Variants in RALGPS1 observed in about 807,000 individuals in gnomAD.
The protein encoded by RALGPS1 is Ral GEF with PH domain and SH3 binding motif 1.
A neutral mutation model predicts 78.8 loss-of-function variants in RALGPS1; 19 were observed. The ratio of observed to expected loss-of-function variants is 0.24; its 90% confidence interval spans 0.17 to 0.35. The LOEUF (loss-of-function observed/expected upper bound fraction) is 0.35, where lower values mean the gene tolerates loss of function less well. Among genes scored for constraint, RALGPS1 ranks in the 10% least tolerant of loss-of-function variants. RALGPS1 has a pLI of 1.00. For missense variants in RALGPS1, 454 were observed against 688.3 expected, an observed-to-expected ratio of 0.66 and a Z score of 3.81; for synonymous variants, 228 against 256.3, an observed-to-expected ratio of 0.89 and a Z score of 1.06.
chr9:127,167,631 TA>T (rs1172371839), intron 9 of RALGPS1, among the ~76,000 whole-genome samples: 4 of 152,210 alleles, frequency 2.6e-5, no homozygotes, highest in Non-Finnish European at 4.4e-5. Flanking sequence ...ATCAGTTTTG[TA>T]AAACAGGTAT....
At position 127,107,811 on chromosome 9, in the gene RALGPS1, T is replaced by C. The variant is rs1052373804; in HGVS notation, c.610+38455T>C. The C allele has an allele frequency of 3.1e-5, 38 of 1,226,670 alleles. No individual in the cohort carries two copies. The African/African-American group carries it at 4.7e-4, about 15-fold the overall frequency. The allele number at this position is 1,226,670 out of a possible 1,614,324, so 76.0% of individuals were successfully genotyped here. A position where few individuals can be genotyped will look rare whatever the true frequency, so the allele number is the denominator to read the frequency against. ...TGGGGGATTGTGCATGTCTTTGGCC[T>C]GGCTTCAACTGGCCATGGCTTTTCC... On this transcript the variant is annotated intron_variant, in intron 8 of 18. Transcript: ENST00000259351.
intron 8 of RALGPS1, among the ~76,000 whole-genome samples, chr9:127,077,285 C>T (rs1442677367): frequency 6.6e-6 from 1 of 152,022 alleles, no homozygotes; most frequent in Non-Finnish European, 1.5e-5. Flanking sequence ...CAGAAATTTC[C>T]AGGGAGGGGG....
chr9:127,130,926 A>G (rs1474194674), intron 8 of RALGPS1, among the ~76,000 whole-genome samples: 2 of 152,222 alleles, frequency 1.3e-5, no homozygotes. Context: ...TAGACAATTG[A>G]ATTGGCTAGA....
intron 11 of RALGPS1, 27 bp from the exon 12 acceptor site, chr9:127,195,064 T>C (rs2061282242): frequency 1.2e-6 from 2 of 1,611,082 alleles, no homozygotes; most frequent in South Asian, 2.2e-5. Flanking sequence ...ATAACCCCCG[T>C]TGTTGCTCTC....
intron 1 of RALGPS1, among the ~76,000 whole-genome samples, chr9:126,953,239 A>C (rs987387008): frequency 2.0e-5 from 3 of 152,118 alleles, no homozygotes; most frequent in Non-Finnish European, 4.4e-5. Flanking sequence ...GAGATGTGGG[A>C]TTGTACTGTG....
At chr9:127,150,733 G>C (rs1034654850) in intron 8 of RALGPS1, among the ~76,000 whole-genome samples, 1 of 152,242 alleles carries the variant, frequency 6.6e-6, no homozygotes, top group Non-Finnish European at 1.5e-5. Flanking sequence ...AAAGAAAGGC[G>C]TTCATCCTCA....
chr9:126,998,845 A>G (rs1419698317), intron 4 of RALGPS1, among the ~76,000 whole-genome samples: 2 of 151,804 alleles, frequency 1.3e-5, no homozygotes, highest in Non-Finnish European at 2.9e-5. Context: ...GCCATAAAAA[A>G]TGATGAGTTC....
chr9:127,142,607 C>G (rs2057855428), intron 8 of RALGPS1, among the ~76,000 whole-genome samples: 1 of 152,114 alleles, frequency 6.6e-6, no homozygotes, highest in Non-Finnish European at 1.5e-5. Flanking sequence ...TCTTGGGTTG[C>G]AAATAAGACC....
chr9:127,152,960 A>G (rs1224706272), intron 8 of RALGPS1, among the ~76,000 whole-genome samples: 1 of 152,262 alleles, frequency 6.6e-6, no homozygotes, highest in African/African-American at 2.4e-5. Context: ...AGATGAAGAA[A>G]GCAAGGTCCC....
At position 127,209,140 on chromosome 9, in the gene RALGPS1, C is replaced by G. The variant is rs768811684; in HGVS notation, c.1248-2991C>G. Reference sequence around the variant, plus strand: ...ACAAAGGATCTCACTGCAAGAAAGTCCATTGTCAGACCCTGCTCAGAAGAA... The same window carrying G: ...ACAAAGGATCTCACTGCAAGAAAGTGCATTGTCAGACCCTGCTCAGAAGAA... On this transcript the variant is annotated intron_variant, in intron 14 of 18. Transcript: ENST00000259351. Among the ~76,000 whole-genome samples, 9 of 152,222 alleles carry G rather than the reference C, an allele frequency of 5.9e-5. No individual in the cohort carries two copies. In the South Asian group the frequency reaches 6.2e-4, roughly 10 times the overall value.
intron 8 of RALGPS1, among the ~76,000 whole-genome samples, chr9:127,077,327 A>G (rs1811911466): frequency 6.6e-6 from 1 of 152,226 alleles, no homozygotes; most frequent in Admixed American, 6.5e-5. Flanking sequence ...ATTTTAGAGC[A>G]AAGCCTTGGA....
At chr9:126,981,946 G>C (rs1416332503) in intron 4 of RALGPS1, among the ~76,000 whole-genome samples, 1 of 152,244 alleles carries the variant, frequency 6.6e-6, no homozygotes, top group East Asian at 1.9e-4. Context: ...GGCTTGAGTG[G>C]GGATGGAAAG....
intron 2 of RALGPS1, among the ~76,000 whole-genome samples, chr9:126,963,515 T>C (rs1391014709): frequency 3.9e-5 from 6 of 152,200 alleles, no homozygotes; most frequent in Non-Finnish European, 8.8e-5. Context: ...AAATGATGAA[T>C]ACATGTATAA....
In RALGPS1 at chr9:127,211,412, T is replaced by G. The variant is rs141897234; in HGVS notation, c.1248-719T>G. On this transcript the variant is annotated intron_variant, in intron 14 of 18. Coordinates refer to ENST00000259351, the MANE Select transcript of RALGPS1 (RefSeq NM_014636.3). The surrounding 1 kb of genome is among the most constrained non-coding windows in gnomAD (Gnocchi z 5.0). ...TGGCGAAGATGGATGGTCAGACATA[T>G]TTAGTGCCTGATCCCCAGTGCATCC... Among the ~76,000 whole-genome samples, 2 of 152,038 alleles carry G rather than the reference T, an allele frequency of 1.3e-5. No individual in the cohort carries two copies. Among genetic ancestry groups the G allele is most frequent in the African/African-American group, 4.8e-5 (2 of 41,396 alleles).
At chr9:126,977,865 A>C in intron 4 of RALGPS1, 120 bp downstream of exon 4, 1 of 661,486 alleles carries the variant, frequency 1.5e-6, no homozygotes, top group Middle Eastern at 2.6e-4. Context: ...CATGTTATCC[A>C]TTTAAACCCC....
At chr9:127,187,540 G>T (rs1023341599) in intron 11 of RALGPS1, among the ~76,000 whole-genome samples, 10 of 152,206 alleles carry the variant, frequency 6.6e-5, no homozygotes, top group African/African-American at 2.4e-4. Context: ...CATTACATTA[G>T]ATTATAATTA....
intron 3 of RALGPS1, among the ~76,000 whole-genome samples, chr9:126,975,457 T>C (rs893057482): frequency 1.3e-5 from 2 of 152,222 alleles, no homozygotes; most frequent in African/African-American, 4.8e-5. Context: ...TTTTCCTAAA[T>C]GACATTGCAA....
intron 4 of RALGPS1, among the ~76,000 whole-genome samples, chr9:127,005,874 G>T (rs1262193389): frequency 2.0e-5 from 3 of 152,330 alleles, no homozygotes; most frequent in African/African-American, 2.4e-5. Flanking sequence ...AGACGTGGGT[G>T]GACAAGTCTG....
intron 4 of RALGPS1, among the ~76,000 whole-genome samples, chr9:127,019,477 G>A (rs1412412852): frequency 1.3e-5 from 2 of 151,846 alleles, no homozygotes; most frequent in Non-Finnish European, 2.9e-5. Context: ...ACAGGTGCCC[G>A]CCACCATGCC....
Sources: gnomAD v4.1 joint callset for allele counts (sites outside exome capture counted in the v4.1 genomes callset) on GRCh38, gnomAD v4.1.1 for gene constraint, Gnocchi (gnomAD v3.1) non-coding constraint, MANE v1.5 for transcripts, NCBI Gene and HGNC (gene_info 2026-07-23, HGNC 2026-07-21) for gene names.